DMD: variants seen among roughly 807,000 people sequenced by gnomAD.
DMD encodes mutant dystrophin.
DMD carries 63 observed loss-of-function variants against 330.1 expected under a neutral mutation model. The observed-to-expected ratio is 0.19, with a 90% CI of 0.16 to 0.24. The LOEUF is 0.24. DMD is among the 10% of genes least tolerant of loss of function. DMD has a pLI of 1.00. For missense variants in DMD, 3,344 were observed against 2,684.1 expected, an observed-to-expected ratio of 1.25 and a Z score of -5.43; for synonymous variants, 1,223 against 959.8, an observed-to-expected ratio of 1.27 and a Z score of -5.07.
chrX:32,026,258 A>T lies in DMD; in HGVS notation c.6439-57744T>A, dbSNP rs1454405360. ...ATTTATTTTGACTTTAGCTTTAGAG[A>T]TAATAAGCTAAGAGCTGCCACTTAG... On this transcript the variant is annotated intron_variant, in intron 44 of 78. Coordinates refer to ENST00000357033, the MANE Select transcript of DMD (RefSeq NM_004006.3). Among the ~76,000 whole-genome samples, 3 of 112,489 alleles carry T rather than the reference A, an allele frequency of 2.7e-5. No homozygotes were observed. The Admixed American group carries it at 2.8e-4, about 11-fold the overall frequency.
At chrX:32,617,312 G>A (rs761944671) in intron 11 of DMD, among the ~76,000 whole-genome samples, 7 of 111,385 alleles carry the variant, frequency 6.3e-5, no homozygotes, top group African/African-American at 9.8e-5. Flanking sequence ...GTCAAAGTAC[G>A]CAACTAGAAG....
chrX:32,439,912 G>A (rs976736069), intron 28 of DMD, among the ~76,000 whole-genome samples: 1 of 110,906 alleles, frequency 9.0e-6, no homozygotes, highest in Non-Finnish European at 1.9e-5. Flanking sequence ...TGAGGGCCTC[G>A]TCTAAAATAG....
At chrX:31,683,396 G>A (rs185861829) in intron 52 of DMD, among the ~76,000 whole-genome samples, 133 of 112,261 alleles carry the variant, frequency 1.2e-3, no homozygotes, top group African/African-American at 4.1e-3. Flanking sequence ...AATGCAGAGT[G>A]AGCATGGAGA....
chrX:31,183,159 C>T lies in DMD; in HGVS notation c.9808-255G>A, dbSNP rs368495644. On this transcript the variant is annotated intron_variant, in intron 67 of 78. Transcript: ENST00000357033. ...GCTACTAGATGACAAGAAAAGAAAACAAAACCAACAAACGAGAAAGGTAAG... is the reference window on the plus strand; with the variant it reads ...GCTACTAGATGACAAGAAAAGAAAATAAAACCAACAAACGAGAAAGGTAAG... Among the ~76,000 whole-genome samples the T allele has an allele frequency of 1.1e-4, 11 of 103,021 alleles. 1 individual carries two copies. The East Asian group carries it at 2.7e-3, about 25-fold the overall frequency. The allele number at this position is 103,021 out of a possible 115,157, so 89.5% of individuals were successfully genotyped here.
At chrX:32,682,969 C>A (rs1487774187) in intron 9 of DMD, among the ~76,000 whole-genome samples, 1 of 111,426 alleles carries the variant, frequency 9.0e-6, no homozygotes, top group East Asian at 2.8e-4. Context: ...GAATAGCGTT[C>A]CCTTGCTGAT....
At chrX:31,324,629 G>A (rs1046159105) in intron 61 of DMD, among the ~76,000 whole-genome samples, 5 of 111,029 alleles carry the variant, frequency 4.5e-5, no homozygotes, top group Non-Finnish European at 7.6e-5. Flanking sequence ...AATAAAAGAC[G>A]CATTCTTATT....
chrX:31,834,774 GA>G (rs2093157161), intron 49 of DMD, among the ~76,000 whole-genome samples: 1 of 111,073 alleles, frequency 9.0e-6, no homozygotes, highest in Non-Finnish European at 1.9e-5. Context: ...AAATCCAAGG[GA>G]GAAATGGGAA....
intron 55 of DMD, among the ~76,000 whole-genome samples, chrX:31,552,059 A>G (rs1323808312): frequency 8.9e-6 from 1 of 112,677 alleles, no homozygotes. Context: ...TATTCCTAGA[A>G]GATTGTAAAT....
At chrX:32,597,107 G>A (rs2055641631) in intron 12 of DMD, among the ~76,000 whole-genome samples, 1 of 111,237 alleles carries the variant, frequency 9.0e-6, no homozygotes, top group Non-Finnish European at 1.9e-5. Flanking sequence ...CCCTCTACCA[G>A]GATTGCTTTT....
intron 51 of DMD, among the ~76,000 whole-genome samples, chrX:31,745,816 A>T (rs2087782373): frequency 8.9e-6 from 1 of 112,513 alleles, no homozygotes; most frequent in African/African-American, 3.2e-5. Flanking sequence ...ACTCTAAAGG[A>T]TAAACAGAGA....
intron 47 of DMD, among the ~76,000 whole-genome samples, chrX:31,922,525 T>TGTGTGTGTGCGC (rs773093542): frequency 2.8e-5 from 3 of 106,405 alleles, no homozygotes; most frequent in Non-Finnish European, 2.0e-5. Flanking sequence ...TGTGTGTGTG[T>TGTGTGTGTGCGC]GCGCGCGCGT....
At chrX:32,559,125 G>T (rs184240096) in intron 16 of DMD, among the ~76,000 whole-genome samples, 3 of 107,831 alleles carry the variant, frequency 2.8e-5, no homozygotes, top group Non-Finnish European at 5.7e-5. Flanking sequence ...TACTTTTTTT[G>T]TATTTTTAGT....
At chrX:32,510,016 G>A (rs1003184943) in intron 18 of DMD, among the ~76,000 whole-genome samples, 5 of 111,403 alleles carry the variant, frequency 4.5e-5, no homozygotes, top group African/African-American at 1.6e-4. Context: ...TCTCTGAGGG[G>A]TATGAATGTT....
At chrX:33,068,812 GAA>G (rs760532073) in intron 1 of DMD, among the ~76,000 whole-genome samples, 1 of 112,415 alleles carries the variant, frequency 8.9e-6, no homozygotes, top group African/African-American at 3.2e-5. Context: ...TATGGGAGGT[GAA>G]AGATTATTTG....
rs749021233 is a variant in DMD, at chrX:31,457,386, T to C, written c.8938-12759A>G. Among the ~76,000 whole-genome samples, 291 of 111,647 alleles carry C rather than the reference T, an allele frequency of 2.6e-3. 1 individual carries two copies. Among genetic ancestry groups the C allele is most frequent in the Middle Eastern group, 4.2e-3 (1 of 240 alleles). ...CCAAAAACTATTATTGGGTACCTAT[T>C]ATATGCCAGGGAATGTTCTAGGCAC... is the stretch of plus-strand genomic sequence containing the variant. On this transcript the variant is annotated intron_variant, in intron 59 of 78. Transcript: ENST00000357033.
At chrX:32,994,673 C>G (rs2093068421) in intron 2 of DMD, among the ~76,000 whole-genome samples, 1 of 110,549 alleles carries the variant, frequency 9.0e-6, no homozygotes, top group African/African-American at 3.3e-5. Flanking sequence ...ATTTACATTC[C>G]CACCAAGAGT....
At chrX:32,129,708 AGAGAGAGAGAGAGAGGGAGG>A (rs1162589754) in intron 44 of DMD, among the ~76,000 whole-genome samples, 1 of 84,190 alleles carries the variant, frequency 1.2e-5, no homozygotes, top group Non-Finnish European at 2.3e-5. Flanking sequence ...ATAGATATGG[AGAGAGAGAGAGAGAGGGAGG>A]GAGAGAGAGA....
At chrX:31,551,149 C>T (rs1400218730) in intron 55 of DMD, among the ~76,000 whole-genome samples, 1 of 96,027 alleles carries the variant, frequency 1.0e-5, no homozygotes, top group African/African-American at 4.2e-5. Context: ...CACTGCACTC[C>T]AGCCAGGGTG....
intron 50 of DMD, among the ~76,000 whole-genome samples, chrX:31,790,978 TCTA>T (rs1440604187): frequency 8.9e-6 from 1 of 112,097 alleles, no homozygotes; most frequent in East Asian, 2.8e-4. Flanking sequence ...TTAAAAAATG[TCTA>T]CTACATGTTT....
Sources: gnomAD v4.1 joint callset for allele counts (sites outside exome capture counted in the v4.1 genomes callset) on GRCh38, gnomAD v4.1.1 for gene constraint, MANE v1.5 for transcripts, NCBI Gene and HGNC (gene_info 2026-07-23, HGNC 2026-07-21) for gene names.